The following CLEC20A variants were observed in gnomAD, a reference collection of about 807,000 sequenced individuals.
CLEC20A encodes the protein C-type lectin domain containing 20A, also known as putative C-type lectin domain family 20 member A.
chr1:178,481,558 A>G (rs1326944775), intron 7 of CLEC20A: 1 of 152,224 alleles, frequency 6.6e-6, no homozygotes, highest in Admixed American at 6.5e-5. Flanking sequence ...ATTTAGGAAC[A>G]ATTCTTCCTC....
chr1:178,495,532 G>T (rs1190239909), intron 1 of CLEC20A, among the ~76,000 whole-genome samples: 1 of 152,210 alleles, frequency 6.6e-6, no homozygotes, highest in East Asian at 1.9e-4. Context: ...TTAGGGAAGA[G>T]ACCTTTTTGC....
chr1:178,486,140 C>T (rs755707114), intron 5 of CLEC20A, among the ~76,000 whole-genome samples: 6 of 152,234 alleles, frequency 3.9e-5, no homozygotes, highest in Non-Finnish European at 7.3e-5. Context: ...ATTTCTCCCC[C>T]AGATCACCCC....
intron 7 of CLEC20A, chr1:178,481,984 G>T (rs1648997786): frequency 4.7e-6 from 1 of 212,042 alleles, no homozygotes; most frequent in East Asian, 9.5e-5. Context: ...GAAAGACTAA[G>T]TTACTTGCCC....
intron 4 of CLEC20A, among the ~76,000 whole-genome samples, chr1:178,489,746 C>T (rs1649229714): frequency 6.6e-6 from 1 of 152,184 alleles, no homozygotes; most frequent in Non-Finnish European, 1.5e-5. Flanking sequence ...TGCTGCCCAC[C>T]TTATTTCTGT....
chr1:178,496,806 A>T (rs1649404853), intron 1 of CLEC20A, 94 bp downstream of exon 1: 7 of 398,544 alleles, frequency 1.8e-5, no homozygotes. Flanking sequence ...CCAACCTGGA[A>T]ATCTGGGAAC....
chr1:178,488,585 G>A, exon 5 of CLEC20A: 1 of 398,866 alleles, frequency 2.5e-6, no homozygotes. Flanking sequence ...GATGCCCGGT[G>A]TCCAGTGGAG....
In CLEC20A at chr1:178,490,319, C is replaced by T. The variant is rs142420255; in HGVS notation, c.582G>A (p.Thr194=). Residue 194 remains threonine, a synonymous_variant, in exon 4 of 8, where the codon ACG becomes ACA. Coordinates refer to ENST00000623247, the Ensembl canonical transcript of CLEC20A. The stretch of plus-strand genomic sequence containing the variant: ...TCAAGGCCTCCTTGCCTGTCTCATC[C>T]GTCACCATCTGCAGGTCGGCCAGAT... 106 of 398,674 alleles carry T rather than the reference C, an allele frequency of 2.7e-4. 1 individual carries two copies. The highest frequency in any genetic ancestry group is 1.8e-3 in the African/African-American group (87 of 48,742). The allele number at this position is 398,674 out of a possible 1,614,324, so 24.7% of individuals were successfully genotyped here.
At chr1:178,486,501 A>C in intron 5 of CLEC20A, 1 of 398,784 alleles carries the variant, frequency 2.5e-6, no homozygotes. Context: ...CTGCAGAGTC[A>C]GGGGGTGCAG....
chr1:178,498,992 C>T (rs1476302301), upstream of CLEC20A, among the ~76,000 whole-genome samples: 2 of 152,240 alleles, frequency 1.3e-5, no homozygotes, highest in African/African-American at 2.4e-5. Context: ...GGACCACTCT[C>T]TGGGGACAGA....
chr1:178,488,678 C>T, intron 4 of CLEC20A, 79 bp from the exon 5 acceptor site: 1 of 398,318 alleles, frequency 2.5e-6, no homozygotes. Context: ...CTCTGATGGC[C>T]CCGCATTTGG....
chr1:178,498,865 A>AG (rs1271979148), upstream of CLEC20A, among the ~76,000 whole-genome samples: 1 of 152,196 alleles, frequency 6.6e-6, no homozygotes, highest in African/African-American at 2.4e-5. Flanking sequence ...AAAGAGAAAG[A>AG]GGGGAAAATT....
intron 5 of CLEC20A, chr1:178,486,754 G>T (rs1649156361): frequency 2.5e-6 from 1 of 398,634 alleles, no homozygotes; most frequent in Non-Finnish European, 4.4e-6. Flanking sequence ...CCGAGAGGCC[G>T]CAGCAGGGCT....
intron 7 of CLEC20A, chr1:178,482,090 CAACAA>C (rs1649003212): frequency 5.5e-6 from 2 of 366,288 alleles, no homozygotes; most frequent in African/African-American, 4.6e-5. Flanking sequence ...AACAAAAAAA[CAACAA>C]AAAAAAAAAC....
At chr1:178,495,594 T>A (rs1051185050) in intron 1 of CLEC20A, among the ~76,000 whole-genome samples, 2 of 152,022 alleles carry the variant, frequency 1.3e-5, no homozygotes, top group Non-Finnish European at 2.9e-5. Flanking sequence ...AGAACGAGCC[T>A]CATTCATTAT....
intron 3 of CLEC20A, among the ~76,000 whole-genome samples, chr1:178,491,635 A>G (rs960198822): frequency 6.6e-6 from 1 of 152,164 alleles, no homozygotes; most frequent in Admixed American, 6.5e-5. Context: ...TAGAGATTCG[A>G]ACATGGGAAG....
intron 5 of CLEC20A, among the ~76,000 whole-genome samples, 195 bp downstream of exon 5, chr1:178,488,296 CCCAGCCCTGG>C (rs1649196397): frequency 6.6e-6 from 1 of 152,240 alleles, no homozygotes. Flanking sequence ...GTCCTCCTTC[CCCAGCCCTGG>C]CTGGACCAGC....
At chr1:178,479,497 G>C (rs1003058345) in exon 8 of CLEC20A, 3 of 398,164 alleles carry the variant, frequency 7.5e-6, no homozygotes, top group Non-Finnish European at 1.3e-5. Context: ...ATCCAGAGAA[G>C]ATTGCATGAA....
chr1:178,479,505 GA>G, exon 8 of CLEC20A: 1 of 398,350 alleles, frequency 2.5e-6, no homozygotes, highest in Non-Finnish European at 4.4e-6. Flanking sequence ...AAGATTGCAT[GA>G]AACAGAAACT....
chr1:178,486,578 G>T, intron 5 of CLEC20A: 3 of 398,756 alleles, frequency 7.5e-6, no homozygotes, highest in Non-Finnish European at 1.3e-5. Context: ...TTGGTCCCCA[G>T]AGAGCTCCCT....
Sources: allele counts gnomAD v4.1 joint callset (sites outside exome capture counted in the v4.1 genomes callset), GRCh38; gene constraint gnomAD v4.1.1; transcripts MANE v1.5; gene names NCBI Gene and HGNC (gene_info 2026-07-23, HGNC 2026-07-21).